RHCG: variants seen among roughly 807,000 people sequenced by gnomAD.
RHCG encodes the protein Rh family C glycoprotein.
In RHCG, 39 loss-of-function variants were observed where a neutral mutation model predicts 55.3. The ratio of observed to expected loss-of-function variants is 0.70; its 90% CI spans 0.55 to 0.92. The LOEUF (loss-of-function observed/expected upper bound fraction) is 0.92. Ranked by LOEUF, RHCG falls within the 40% of genes least tolerant of loss-of-function variation. RHCG has a pLI of 0.00. For missense variants in RHCG, 635 were observed against 627.9 expected, an observed-to-expected ratio of 1.01 and a Z score of -0.12; for synonymous variants, 250 against 246.8, an observed-to-expected ratio of 1.01 and a Z score of -0.12.
chr15:89,485,211 A>T (rs1016479448), intron 2 of RHCG, among the ~76,000 whole-genome samples: 7 of 152,212 alleles, frequency 4.6e-5, no homozygotes, highest in Admixed American at 3.3e-4. Context: ...GATTAAAAAA[A>T]ATTCATTTAG....
chr15:89,472,631 G>T, intron 10 of RHCG, 80 bp downstream of exon 10: 3 of 1,392,036 alleles, frequency 2.2e-6, no homozygotes, highest in South Asian at 2.7e-5. Flanking sequence ...TTGCCTCTTT[G>T]CTAGTAACAT....
At position 89,477,942 on chromosome 15, in the gene RHCG, C is replaced by T; in HGVS notation, c.870G>A (p.Gly290=). ...TCTCAGCAGCGGTACCCACGGCCACCCCTCCTGCGAGCGTGGCATTCTGGA... is the reference window on the plus strand; with the variant it reads ...TCTCAGCAGCGGTACCCACGGCCACTCCTCCTGCGAGCGTGGCATTCTGGA... ...VHIQNATLAG[G]VAVGTAAEMM... is the part of the protein sequence containing the mutation. Residue 290 remains glycine, a synonymous_variant, in exon 6 of 11, where the codon GGG becomes GGA. Transcript: ENST00000268122. The surrounding 1 kb of genome is among the most constrained non-coding windows in gnomAD (Gnocchi z 4.5). The T allele has an allele frequency of 6.2e-7, 1 of 1,611,786 alleles. No homozygotes were observed. Among genetic ancestry groups the T allele is most frequent in the South Asian group, 1.1e-5 (1 of 90,892 alleles).
chr15:89,496,463 C>A lies in RHCG; in HGVS notation c.82G>T (p.Val28Leu). ...LQVIMVILFG[V>L]FVRYDFEADA... ...GCCTCGAAGTCGTAGCGCACGAACA[C>A]CCCGAAGAGAATCACCATAATCACC... is the stretch of plus-strand genomic sequence containing the variant. The change falls in exon 1 of 11, where the codon GTG (valine) becomes TTG (leucine). Residue 28 changes from valine to leucine, a missense_variant. By Grantham distance (32) the Val-to-Leu change is conservative. Transcript: ENST00000268122. 6.2e-7 allele frequency: 1 copy of A among 1,614,036 alleles called. No individual in the cohort carries two copies. The highest frequency in any genetic ancestry group is 8.5e-7 in the Non-Finnish European group (1 of 1,179,966).
intron 9 of RHCG, among the ~76,000 whole-genome samples, chr15:89,475,168 GCCTGCCTT>G (rs1961123618): frequency 7.2e-6 from 1 of 139,616 alleles, no homozygotes; most frequent in African/African-American, 2.7e-5. Context: ...CTTCCTGCCT[GCCTGCCTT>G]CCTGCCTGCC....
intron 1 of RHCG, among the ~76,000 whole-genome samples, chr15:89,491,914 G>GCT (rs1961482691): frequency 6.6e-6 from 1 of 152,220 alleles, no homozygotes; most frequent in Non-Finnish European, 1.5e-5. Context: ...CCTGGACAGT[G>GCT]CTCACTGCAG....
rs1961176092 is a variant in RHCG, at chr15:89,477,571, A to G, written c.1058T>C (p.Ile353Thr). The change falls in exon 7 of 11, where the codon ATC (isoleucine) becomes ACC (threonine). Residue 353 changes from isoleucine to threonine, a missense_variant. Transcript: ENST00000268122. The surrounding 1 kb of genome is among the most constrained non-coding windows in gnomAD (Gnocchi z 4.5). ...GGAGGCCGCTGTCACAGCACCCACG[A>G]TGCCGCCTATGATGCCAGGAATGCC... is the stretch of plus-strand genomic sequence containing the variant. ...LHGIPGIIGG[I>T]VGAVTAASAS... 2 of 1,614,100 alleles carry G rather than the reference A, an allele frequency of 1.2e-6. No individual in the cohort carries two copies. The highest frequency in any genetic ancestry group is 8.5e-7 in the Non-Finnish European group (1 of 1,180,028).
chr15:89,487,069 G>T, intron 1 of RHCG, 84 bp from the exon 2 acceptor site: 1 of 1,277,200 alleles, frequency 7.8e-7, no homozygotes, highest in Non-Finnish European at 1.0e-6. Context: ...GGCCGGGGTA[G>T]CCCCTCAGTC....
At chr15:89,486,591 A>AGT (rs1246539749) in intron 2 of RHCG, 115 of 471,612 alleles carry the variant, frequency 2.4e-4, no homozygotes, top group African/African-American at 1.4e-3. Context: ...AGAGAGAGAG[A>AGT]GAGAGAGAGT....
chr15:89,480,607 A>G (rs1408262733), intron 3 of RHCG, among the ~76,000 whole-genome samples, 199 bp from the exon 4 acceptor site: 1 of 152,230 alleles, frequency 6.6e-6, no homozygotes, highest in East Asian at 1.9e-4. Flanking sequence ...GCAAAATGCC[A>G]GGGTGTCCTC....
chr15:89,494,133 GC>G (rs1157662069), intron 1 of RHCG, among the ~76,000 whole-genome samples: 1 of 151,772 alleles, frequency 6.6e-6, no homozygotes, highest in Non-Finnish European at 1.5e-5. Flanking sequence ...CAGAACCACT[GC>G]CCCTCCTCGC....
chr15:89,496,338 G>A (rs376507220), intron 1 of RHCG, 23 bp downstream of exon 1: 4 of 1,612,708 alleles, frequency 2.5e-6, no homozygotes, highest in Admixed American at 3.3e-5. Flanking sequence ...GCCTCCGCTG[G>A]GCCTGCAGGC....
rs769295845 is a variant in RHCG, at chr15:89,486,800, T to C, written c.370A>G (p.Asn124Asp). 1.9e-6 allele frequency: 3 copies of C among 1,585,320 alleles called. No individual in the cohort carries two copies. Among genetic ancestry groups the C allele is most frequent in the Admixed American group, 3.4e-5 (2 of 58,538 alleles). Residue 124 changes from asparagine to aspartate, a missense_variant and splice_region_variant, in exon 2 of 11, where the codon AAC becomes GAC. Physicochemically the swap from Asn to Asp is conservative, Grantham distance 23 (BLOSUM62 1). Transcript: ENST00000268122. ...CCCCGGGGCCCGCCCTGCGCTCACT[T>C]CTCCACGCCCACGACGATGTAGCGG... ...QDRYIVVGVE[N>D]LINADFCVAS... is the part of the protein sequence containing the mutation.
At chr15:89,478,904 A>C (rs1489756992) in intron 5 of RHCG, among the ~76,000 whole-genome samples, 1 of 152,180 alleles carries the variant, frequency 6.6e-6, no homozygotes, top group African/African-American at 2.4e-5. Flanking sequence ...CAGCCTGACG[A>C]ATATGGTGAA....
In RHCG at chr15:89,477,661, C is replaced by T. The variant is rs200054014; in HGVS notation, c.976-8G>A. On this transcript the variant is annotated splice_polypyrimidine_tract_variant and splice_region_variant and intron_variant, in intron 6 of 10. Transcript: ENST00000268122. The surrounding 1 kb of genome is among the most constrained non-coding windows in gnomAD (Gnocchi z 4.5). ...CCGGGACTCCAGGAATGGCTGGAGACGGGAGGTGGGTGCTGCTCAGGCCGG... is the reference window on the plus strand; with the variant it reads ...CCGGGACTCCAGGAATGGCTGGAGATGGGAGGTGGGTGCTGCTCAGGCCGG... The T allele has an allele frequency of 3.2e-4, 513 of 1,613,736 alleles. 1 individual carries two copies. The highest frequency in any genetic ancestry group is 5.4e-4 in the South Asian group (49 of 91,060).
intron 1 of RHCG, among the ~76,000 whole-genome samples, chr15:89,494,883 C>G (rs546090966): frequency 1.3e-5 from 2 of 152,182 alleles, no homozygotes; most frequent in East Asian, 3.9e-4. Context: ...GTTCTTGCCC[C>G]TTATGCTCTG....
intron 1 of RHCG, among the ~76,000 whole-genome samples, chr15:89,490,750 T>A (rs1411241281): frequency 6.6e-6 from 1 of 150,870 alleles, no homozygotes; most frequent in Non-Finnish European, 1.5e-5. Flanking sequence ...AGGTGCTGGG[T>A]CTGGCCTGGC....
At chr15:89,489,039 G>A (rs1484870478) in intron 1 of RHCG, among the ~76,000 whole-genome samples, 4 of 152,180 alleles carry the variant, frequency 2.6e-5, no homozygotes, top group Non-Finnish European at 5.9e-5. Context: ...ATGTGTGCAT[G>A]TGTGTATGTG....
chr15:89,483,095 T>C lies in RHCG; in HGVS notation c.494A>G (p.Asn165Ser), dbSNP rs1451571957. The change falls in exon 3 of 11, where the codon AAT (asparagine) becomes AGT (serine). Residue 165 changes from asparagine (N) to serine (S), a missense_variant. Physicochemically the swap from Asn to Ser is conservative, Grantham distance 46. Transcript: ENST00000268122. ...TFFQVTLFAVNEFILLNLLKV... is the reference protein window; with the variant it reads ...TFFQVTLFAVSEFILLNLLKV... ...TAGCAGGTTAAGGAGAATGAACTCATTCACAGCGAAGAGGGTCACTTGGAA... is the reference window on the plus strand; with the variant it reads ...TAGCAGGTTAAGGAGAATGAACTCACTCACAGCGAAGAGGGTCACTTGGAA... 1.2e-6 allele frequency: 2 copies of C among 1,603,946 alleles called. No homozygotes were observed. Among genetic ancestry groups the C allele is most frequent in the East Asian group, 4.5e-5 (2 of 44,568 alleles).
intron 2 of RHCG, chr15:89,486,232 G>A: frequency 2.2e-6 from 1 of 456,596 alleles, no homozygotes; most frequent in Non-Finnish European, 4.4e-6. Flanking sequence ...GTTCCCTGGG[G>A]TGGGTGGGGG....
Sources: allele counts gnomAD v4.1 joint callset (sites outside exome capture counted in the v4.1 genomes callset), GRCh38; gene constraint gnomAD v4.1.1; non-coding constraint Gnocchi (gnomAD v3.1); transcripts MANE v1.5; gene names NCBI Gene and HGNC (gene_info 2026-07-23, HGNC 2026-07-21).